The following TGFBR3 variants were observed in gnomAD, a reference collection of about 807,000 sequenced individuals.
The protein encoded by TGFBR3 is transforming growth factor beta receptor 3, also known as transforming growth factor beta receptor type 3.
TGFBR3 carries 46 observed loss-of-function variants against 87.9 expected under a neutral mutation model. The observed-to-expected ratio is 0.52, with a 90% confidence interval of 0.41 to 0.67. The LOEUF is 0.67. TGFBR3 is among the 30% of genes least tolerant of loss of function. The pLI is 0.00. For missense variants in TGFBR3, 866 were observed against 1,041.9 expected (o/e 0.83, Z 2.32); for synonymous variants, 381 against 391.6 (o/e 0.97, Z 0.32).
At chr1:91,837,357 T>C (rs1057134213) in intron 2 of TGFBR3, among the ~76,000 whole-genome samples, 3 of 152,172 alleles carry the variant, frequency 2.0e-5, no homozygotes, top group Non-Finnish European at 4.4e-5. Context: ...GCAATTCTCC[T>C]GCCTCAGCCT....
chr1:91,753,025 T>C (rs1293062106), intron 4 of TGFBR3, among the ~76,000 whole-genome samples: 2 of 142,486 alleles, frequency 1.4e-5, no homozygotes, highest in African/African-American at 2.6e-5. Context: ...AGACCCTCTC[T>C]CAAAAAAAAA....
chr1:91,860,934 C>CAAAAAAAAAAA (rs3039477), intron 2 of TGFBR3, among the ~76,000 whole-genome samples: 1 of 35,636 alleles, frequency 2.8e-5, no homozygotes. Flanking sequence ...TCTGTCTCCA[C>CAAAAAAAAAAA]AAAAAAAAAA....
chr1:91,710,562 C>T (rs929872891), intron 13 of TGFBR3, among the ~76,000 whole-genome samples: 20 of 148,710 alleles, frequency 1.3e-4, no homozygotes, highest in East Asian at 1.9e-4. Context: ...GATTCTTTGG[C>T]GCTCTCTATT....
chr1:91,800,269 C>T lies in TGFBR3; in HGVS notation c.62-2798G>A, dbSNP rs542032690. 2.0e-5 allele frequency among the ~76,000 whole-genome samples: 3 copies of T among 147,262 alleles called. No homozygotes were observed. In the South Asian group the frequency reaches 6.5e-4, roughly 32 times the overall value. On this transcript the variant is annotated intron_variant, in intron 2 of 16. Coordinates refer to ENST00000212355, the MANE Select transcript of TGFBR3 (RefSeq NM_003243.5). ...ATATATATATATACACACACACACACACACACACACTCACGCATATATATA... is the reference window on the plus strand; with the variant it reads ...ATATATATATATACACACACACACATACACACACACTCACGCATATATATA...
chr1:91,817,173 G>A (rs1470132480), intron 2 of TGFBR3, among the ~76,000 whole-genome samples: 1 of 152,138 alleles, frequency 6.6e-6, no homozygotes, highest in Non-Finnish European at 1.5e-5. Flanking sequence ...GCTACCATGA[G>A]GCCTAACTCC....
intron 2 of TGFBR3, among the ~76,000 whole-genome samples, chr1:91,804,829 C>T (rs891859947): frequency 6.6e-6 from 1 of 152,176 alleles, no homozygotes; most frequent in Non-Finnish European, 1.5e-5. Flanking sequence ...CGGCTGAAAA[C>T]CCACATCCCG....
chr1:91,843,324 G>A (rs1358784166), intron 2 of TGFBR3, among the ~76,000 whole-genome samples: 1 of 152,124 alleles, frequency 6.6e-6, no homozygotes, highest in African/African-American at 2.4e-5. Context: ...TCTCTAGTTT[G>A]TCTTTTTGAG....
chr1:91,900,875 GA>G (rs1679700988), intron 1 of TGFBR3, among the ~76,000 whole-genome samples: 1 of 152,072 alleles, frequency 6.6e-6, no homozygotes, highest in Non-Finnish European at 1.5e-5. Context: ...CAAGAGACAT[GA>G]AAAAAAGTTA....
At chr1:91,847,538 G>A (rs193250702) in intron 2 of TGFBR3, among the ~76,000 whole-genome samples, 31 of 150,722 alleles carry the variant, frequency 2.1e-4, no homozygotes, top group African/African-American at 7.6e-4. Flanking sequence ...AGTAGGCGGA[G>A]GTTGCAGTGA....
intron 2 of TGFBR3, among the ~76,000 whole-genome samples, chr1:91,803,061 T>G (rs929941113): frequency 6.6e-6 from 1 of 152,210 alleles, no homozygotes; most frequent in Non-Finnish European, 1.5e-5. Flanking sequence ...GATCCTGCTT[T>G]TCTCTGCTTT....
In TGFBR3 at chr1:91,803,695, C is replaced by T. The variant is rs542472615; in HGVS notation, c.62-6224G>A. On this transcript the variant is annotated intron_variant, in intron 2 of 16. Coordinates refer to ENST00000212355, the MANE Select transcript of TGFBR3 (RefSeq NM_003243.5). ...GTGCCAACCTTTGTCCCAAAGGAGC[C>T]TCTGAATAGCAAGGTTTCCTCCAGG... 7.2e-5 allele frequency among the ~76,000 whole-genome samples: 11 copies of T among 152,194 alleles called. No homozygotes were observed. The South Asian group carries it at 2.3e-3, about 32-fold the overall frequency.
At chr1:91,747,369 G>A (rs2100860399) in intron 4 of TGFBR3, among the ~76,000 whole-genome samples, 1 of 152,318 alleles carries the variant, frequency 6.6e-6, no homozygotes, top group East Asian at 1.9e-4. Flanking sequence ...GGCAAAGCAG[G>A]GGGCTCCCAC....
chr1:91,774,266 T>G (rs1203643463), intron 3 of TGFBR3, among the ~76,000 whole-genome samples: 1 of 151,940 alleles, frequency 6.6e-6, no homozygotes, highest in Non-Finnish European at 1.5e-5. Context: ...ACCTCCCAAA[T>G]AGCTGGGAGT....
At chr1:91,746,932 A>G (rs112909551) in intron 4 of TGFBR3, among the ~76,000 whole-genome samples, 1 of 152,168 alleles carries the variant, frequency 6.6e-6, no homozygotes, top group African/African-American at 2.4e-5. Flanking sequence ...AGAAATCAGT[A>G]GTGTAGGGTA....
chr1:91,711,641 C>T (rs1350979068), intron 13 of TGFBR3, among the ~76,000 whole-genome samples: 1 of 152,162 alleles, frequency 6.6e-6, no homozygotes, highest in Admixed American at 6.5e-5. Context: ...TAGTGGGTAT[C>T]ATAGTTAACC....
At position 91,716,638 on chromosome 1, in the gene TGFBR3, C is replaced by G; in HGVS notation, c.1637G>C (p.Gly546Ala). ...WPDGYEDLES[G>A]DNGFPGDMDE... is the part of the protein sequence containing the mutation. ...CATATCTCCCGGAAATCCATTATCA[C>G]CTGACTCCAGATCTTCATAACCATC... Residue 546 changes from glycine to alanine, a missense_variant, in exon 11 of 17, where the codon GGT becomes GCT. Coordinates refer to ENST00000212355, the MANE Select transcript of TGFBR3 (RefSeq NM_003243.5). 6.2e-7 allele frequency: 1 copy of G among 1,614,144 alleles called. No homozygotes were observed. The highest frequency in any genetic ancestry group is 8.5e-7 in the Non-Finnish European group (1 of 1,180,020).
intron 2 of TGFBR3, among the ~76,000 whole-genome samples, chr1:91,822,293 TAAAAAAAAAAAAAAAAAA>T (rs71087974): frequency 2.4e-4 from 22 of 93,338 alleles, no homozygotes; most frequent in African/African-American, 5.2e-4. Flanking sequence ...AGCAAAGCAT[TAAAAAAAAAAAAAAAAAA>T]AAAAAAAAAA....
chr1:91,894,140 C>T (rs1446644731), intron 2 of TGFBR3, among the ~76,000 whole-genome samples: 1 of 152,098 alleles, frequency 6.6e-6, no homozygotes, highest in African/African-American at 2.4e-5. Context: ...GTATCTTTGT[C>T]TTCCCACCAC....
intron 1 of TGFBR3, among the ~76,000 whole-genome samples, chr1:91,882,893 G>A (rs1026387526): frequency 6.6e-6 from 1 of 152,094 alleles, no homozygotes; most frequent in Non-Finnish European, 1.5e-5. Context: ...TACTATACTT[G>A]AATATTAACG....
Sources: allele counts gnomAD v4.1 joint callset (sites outside exome capture counted in the v4.1 genomes callset), GRCh38; gene constraint gnomAD v4.1.1; transcripts MANE v1.5; gene names NCBI Gene and HGNC (gene_info 2026-07-23, HGNC 2026-07-21).